Variants in ITPA observed in about 807,000 individuals in gnomAD.
ITPA encodes the protein inosine triphosphatase.
In ITPA, 29 loss-of-function variants were observed where a neutral mutation model predicts 29.6. That is an observed-to-expected ratio of 0.98 (90% confidence interval 0.73 to 1.34). ITPA has a LOEUF of 1.34. Ranked by LOEUF, ITPA falls within the 40% of genes most tolerant of loss-of-function variation. The pLI, the probability that ITPA is intolerant of heterozygous loss-of-function variation, is 0.00. For synonymous variants in ITPA, 103 were observed against 99.3 expected (o/e 1.04, Z -0.22); for missense variants, 241 against 251.5 (o/e 0.96, Z 0.28).
At chr20:3,212,834 A>C (rs1425156895) in intron 1 of ITPA, among the ~76,000 whole-genome samples, 1 of 152,178 alleles carries the variant, frequency 6.6e-6, no homozygotes, top group Non-Finnish European at 1.5e-5. Context: ...CCATGTTCAT[A>C]GGCCTTCTGA....
chr20:3,218,833 G>A (rs1460908902), intron 6 of ITPA: 8 of 637,602 alleles, frequency 1.3e-5, no homozygotes, highest in Non-Finnish European at 2.3e-5. Context: ...GGGTTCCCTG[G>A]GGCCAGAGTA....
intron 4 of ITPA, among the ~76,000 whole-genome samples, chr20:3,214,773 G>GTT (rs2067256005): frequency 6.6e-6 from 1 of 151,852 alleles, no homozygotes. Context: ...TAGAGACGGG[G>GTT]TTTCACCATG....
intron 3 of ITPA, 125 bp from the exon 4 acceptor site, chr20:3,213,860 G>GTGCT: frequency 1.1e-6 from 1 of 945,414 alleles, no homozygotes; most frequent in Non-Finnish European, 1.8e-6. Flanking sequence ...AGCTCCCATG[G>GTGCT]TGCTGTCTGC....
Position 3,218,535 on chromosome 20 carries a change from C to T in ITPA, c.314C>T (p.Ala105Val). 1 of 1,613,834 alleles carries T rather than the reference C, an allele frequency of 6.2e-7. No homozygotes were observed. The highest frequency in any genetic ancestry group is 1.1e-5 in the South Asian group (1 of 91,080). Residue 105 changes from alanine (A) to valine (V), a missense_variant, in exon 6 of 8, where the codon GCC (alanine) becomes GTC (valine). Ala to Val is a moderately conservative substitution (Grantham distance 64). Coordinates refer to ENST00000380113, the MANE Select transcript of ITPA (RefSeq NM_033453.4). ...LKPEGLHQLL[A>V]GFEDKSAYAL... ...CCCGCAGGTCTCCACCAGCTCCTGG[C>T]CGGGTTCGAGGACAAGTCAGCCTAT...
At chr20:3,221,750 C>T (rs1173095103) in intron 6 of ITPA, 91 bp from the exon 7 acceptor site, 1 of 1,214,628 alleles carries the variant, frequency 8.2e-7, no homozygotes, top group African/African-American at 1.5e-5. Flanking sequence ...AAATCAAATT[C>T]ACAGACTCAC....
chr20:3,214,089 C>A (rs759952468), intron 4 of ITPA, 31 bp downstream of exon 4: 2 of 1,602,928 alleles, frequency 1.2e-6, no homozygotes, highest in Middle Eastern at 1.7e-4. Flanking sequence ...CCTTACAGGG[C>A]GTCAGGCCCA....
chr20:3,207,875 G>A (rs6076491), upstream of ITPA, among the ~76,000 whole-genome samples: 31,078 of 143,626 alleles, frequency 0.22, 3,345 homozygotes, highest in Non-Finnish European at 0.25. Flanking sequence ...GGTGCTTGTA[G>A]TCCCAGCTAC....
chr20:3,216,285 G>T (rs1361059700), intron 5 of ITPA, among the ~76,000 whole-genome samples: 56 of 135,768 alleles, frequency 4.1e-4, no homozygotes, highest in Middle Eastern at 6.1e-3. Context: ...TCAGCCTCCT[G>T]AGTAGCTGGG....
chr20:3,226,214 T>G (rs759918197), downstream of ITPA, among the ~76,000 whole-genome samples: 1 of 152,190 alleles, frequency 6.6e-6, no homozygotes, highest in South Asian at 2.1e-4. This position sits in a 1 kb window ranked among gnomAD's most constrained non-coding sequence, Gnocchi z 4.4. Flanking sequence ...AGCCCTCAAC[T>G]TGGGGTTTCT....
At chr20:3,225,360 A>G (rs2067543441), downstream of ITPA, among the ~76,000 whole-genome samples, 1 of 152,116 alleles carries the variant, frequency 6.6e-6, no homozygotes, top group Non-Finnish European at 1.5e-5. Flanking sequence ...GGACTAGAGG[A>G]CTGGGACTTT....
chr20:3,221,330 T>C (rs191774711), intron 6 of ITPA, among the ~76,000 whole-genome samples: 1 of 152,262 alleles, frequency 6.6e-6, no homozygotes, highest in Non-Finnish European at 1.5e-5. Context: ...CGTATTGTAC[T>C]CACTAATGTG....
At position 3,223,703 on chromosome 20, in the gene ITPA, G is replaced by A; in HGVS notation, c.*241G>A. The A allele has an allele frequency of 1.7e-6, 1 of 573,904 alleles. No homozygotes were observed. The highest frequency in any genetic ancestry group is 2.0e-5 in the South Asian group (1 of 49,886). 35.6% of individuals were successfully genotyped at this position (573,904 alleles called of 1,614,324 possible). On this transcript the variant is annotated 3_prime_UTR_variant, in exon 8 of 8. Coordinates refer to ENST00000380113, the MANE Select transcript of ITPA (RefSeq NM_033453.4). ...GCTCTCTCCTACAGCCGCCAGGCCT[G>A]GGGTCCTGAAAGGACCTTGGGTGGT...
At chr20:3,221,495 T>TTTTCTGTCTATCTTTC (rs537631385) in intron 6 of ITPA, among the ~76,000 whole-genome samples, 1 of 151,964 alleles carries the variant, frequency 6.6e-6, no homozygotes, top group South Asian at 2.1e-4. Flanking sequence ...GGAGAAAACG[T>TTTTCTGTCTATCTTTC]TTTCTGTCTA....
intron 1 of ITPA, among the ~76,000 whole-genome samples, chr20:3,212,835 G>A (rs1201268352): frequency 1.3e-5 from 2 of 152,126 alleles, no homozygotes; most frequent in Non-Finnish European, 2.9e-5. Flanking sequence ...CATGTTCATA[G>A]GCCTTCTGAA....
upstream of ITPA, among the ~76,000 whole-genome samples, chr20:3,207,926 C>CA (rs1380273504): frequency 1.3e-4 from 19 of 144,200 alleles, no homozygotes; most frequent in Admixed American, 1.4e-3. Flanking sequence ...ACCCAGGAGA[C>CA]AGAGGTTGCA....
chr20:3,207,717 C>CAACAACAACAACAAA (rs987829431), upstream of ITPA, among the ~76,000 whole-genome samples: 2 of 151,620 alleles, frequency 1.3e-5, no homozygotes, highest in Non-Finnish European at 2.9e-5. Context: ...ACAACAACAA[C>CAACAACAACAACAAA]AAAACACAGT....
Position 3,213,215 on chromosome 20 carries a change from A to G in ITPA, c.113A>G (p.Gln38Arg). Residue 38 changes from glutamine to arginine, a missense_variant, in exon 2 of 8, where the codon CAG becomes CGG. By Grantham distance (43) the Gln-to-Arg change is conservative. Coordinates refer to ENST00000380113, the MANE Select transcript of ITPA (RefSeq NM_033453.4). ...GDKFPCTLVA[Q>R]KIDLPEYQGE... ...AAGTTTCCATGCACTTTGGTGGCACAGAAAATTGACCGTATGTCTCTGTTT... is the reference window on the plus strand; with the variant it reads ...AAGTTTCCATGCACTTTGGTGGCACGGAAAATTGACCGTATGTCTCTGTTT... 6.2e-7 allele frequency: 1 copy of G among 1,614,238 alleles called. No homozygotes were observed.
intron 5 of ITPA, among the ~76,000 whole-genome samples, chr20:3,218,132 A>G (rs6051651): frequency 0.055 from 8,372 of 151,556 alleles, 756 homozygotes; most frequent in African/African-American, 0.19. Flanking sequence ...GTTAGCCAGG[A>G]TGGTCTCGAT....
At chr20:3,223,282 C>G in intron 7 of ITPA, 84 bp from the exon 8 acceptor site, 1 of 1,004,270 alleles carries the variant, frequency 1.0e-6, no homozygotes, top group Non-Finnish European at 1.5e-6. Context: ...CTTTGGTCTC[C>G]AGGGATGAGA....
Sources: allele counts gnomAD v4.1 joint callset (sites outside exome capture counted in the v4.1 genomes callset), GRCh38; gene constraint gnomAD v4.1.1; non-coding constraint Gnocchi (gnomAD v3.1); transcripts MANE v1.5; gene names NCBI Gene and HGNC (gene_info 2026-07-23, HGNC 2026-07-21).